The following SKAP1 variants were observed in gnomAD, a reference collection of about 807,000 sequenced individuals.
The protein encoded by SKAP1 is src kinase-associated phosphoprotein 1.
In SKAP1, 44 loss-of-function variants were observed where a neutral mutation model predicts 58.5. The observed-to-expected ratio is 0.75, with a 90% confidence interval of 0.59 to 0.97. SKAP1 has a LOEUF of 0.97. Ranked by LOEUF, SKAP1 falls within the 50% of genes least tolerant of loss-of-function variation. The pLI is 0.00. For synonymous variants in SKAP1, 127 were observed against 149.7 expected, an observed-to-expected ratio of 0.85 and a Z score of 1.11; for missense variants, 390 against 435.2, an observed-to-expected ratio of 0.90 and a Z score of 0.92.
chr17:48,204,894 A>G (rs1308053077), intron 4 of SKAP1, among the ~76,000 whole-genome samples: 1 of 152,032 alleles, frequency 6.6e-6, no homozygotes, highest in Non-Finnish European at 1.5e-5. Flanking sequence ...ATGATTTAAG[A>G]TGGTAGAAAT....
chr17:48,399,197 G>C (rs1028649828), intron 1 of SKAP1, among the ~76,000 whole-genome samples: 1 of 152,108 alleles, frequency 6.6e-6, no homozygotes, highest in African/African-American at 2.4e-5. Flanking sequence ...GGTTCCACTA[G>C]GGTCCTTTGA....
chr17:48,170,712 CTTTT>C, intron 9 of SKAP1, 53 bp from the exon 10 acceptor site: 45 of 1,103,126 alleles, frequency 4.1e-5, no homozygotes, highest in East Asian at 5.3e-5. Context: ...GTCTCATGTT[CTTTT>C]TTTTTTTTTT....
intron 2 of SKAP1, chr17:48,382,731 C>T (rs373079726): frequency 6.6e-6 from 1 of 152,358 alleles, no homozygotes; most frequent in African/African-American, 2.4e-5. Flanking sequence ...AAAACCACTT[C>T]ACTGAATGTC....
At chr17:48,329,442 C>T (rs1274293381) in intron 4 of SKAP1, among the ~76,000 whole-genome samples, 1 of 152,192 alleles carries the variant, frequency 6.6e-6, no homozygotes, top group Non-Finnish European at 1.5e-5. Context: ...CGGTGGCTCA[C>T]GCCTATAATC....
chr17:48,319,515 A>G lies in SKAP1; in HGVS notation c.280+26390T>C, dbSNP rs554364812. 2.6e-5 allele frequency among the ~76,000 whole-genome samples: 4 copies of G among 152,322 alleles called. No homozygotes were observed. In the East Asian group the frequency reaches 7.7e-4, roughly 29 times the overall value. Reference sequence around the variant, plus strand: ...GAAACAGCAGTAGATCATGGTAGTCAATGATGTTGCTCCATAGCTTGACTG... The same window carrying G: ...GAAACAGCAGTAGATCATGGTAGTCGATGATGTTGCTCCATAGCTTGACTG... On this transcript the variant is annotated intron_variant, in intron 4 of 12. Coordinates refer to ENST00000336915, the MANE Select transcript of SKAP1 (RefSeq NM_003726.4).
In SKAP1 at chr17:48,338,727, C is replaced by T. The variant is rs561163584; in HGVS notation, c.280+7178G>A. Among the ~76,000 whole-genome samples the T allele has an allele frequency of 5.9e-5, 9 of 152,170 alleles. No homozygotes were observed. In the South Asian group the frequency reaches 6.2e-4, roughly 11 times the overall value. ...AAAATGCTGGGTTGAAAATGAAAAA[C>T]GGGTCATTCATAGACAGATAATTGT... is the stretch of plus-strand genomic sequence containing the variant. On this transcript the variant is annotated intron_variant, in intron 4 of 12. Coordinates refer to ENST00000336915, the MANE Select transcript of SKAP1 (RefSeq NM_003726.4).
At chr17:48,149,726 G>A (rs1598366599) in intron 11 of SKAP1, among the ~76,000 whole-genome samples, 1 of 152,284 alleles carries the variant, frequency 6.6e-6, no homozygotes, top group East Asian at 1.9e-4. Flanking sequence ...GTGTGTGTCA[G>A]GGGCACGCAC....
At chr17:48,423,990 CA>C (rs890243819) in intron 1 of SKAP1, among the ~76,000 whole-genome samples, 21 of 149,218 alleles carry the variant, frequency 1.4e-4, no homozygotes, top group Non-Finnish European at 2.7e-4. Context: ...AACTTGAAGG[CA>C]AAAAAAAACT....
intron 1 of SKAP1, among the ~76,000 whole-genome samples, chr17:48,418,994 A>G (rs1235411994): frequency 6.6e-6 from 1 of 152,106 alleles, no homozygotes; most frequent in Admixed American, 6.5e-5. Context: ...AGGTGTCTAT[A>G]TATGCTTAAG....
At chr17:48,363,012 GT>G (rs1482549915) in intron 3 of SKAP1, among the ~76,000 whole-genome samples, 9 of 152,144 alleles carry the variant, frequency 5.9e-5, no homozygotes, top group Non-Finnish European at 1.3e-4. Context: ...TCAGGTTGAT[GT>G]TTCTGACATT....
intron 1 of SKAP1, among the ~76,000 whole-genome samples, chr17:48,400,655 T>C (rs2067488480): frequency 6.6e-6 from 1 of 151,692 alleles, no homozygotes; most frequent in Non-Finnish European, 1.5e-5. Context: ...GAGGCTAAGG[T>C]GGCCTCATTT....
chr17:48,417,280 G>A (rs1024051910), intron 1 of SKAP1, among the ~76,000 whole-genome samples: 4 of 152,144 alleles, frequency 2.6e-5, no homozygotes, highest in African/African-American at 9.6e-5. Context: ...TCTACCTCCT[G>A]TAGAGGAAAA....
At chr17:48,393,863 G>A (rs1194812482) in intron 2 of SKAP1, among the ~76,000 whole-genome samples, 2 of 149,196 alleles carry the variant, frequency 1.3e-5, no homozygotes, top group Non-Finnish European at 3.0e-5. Context: ...AATAAGACTT[G>A]AAGTGCTAAA....
chr17:48,188,842 T>C (rs1326750346), intron 5 of SKAP1, among the ~76,000 whole-genome samples: 1 of 151,908 alleles, frequency 6.6e-6, no homozygotes, highest in Non-Finnish European at 1.5e-5. Context: ...CTGCTAAAAA[T>C]ATGAAAAATT....
At chr17:48,276,643 A>C (rs759226879) in intron 4 of SKAP1, among the ~76,000 whole-genome samples, 3 of 152,194 alleles carry the variant, frequency 2.0e-5, no homozygotes, top group Non-Finnish European at 4.4e-5. Context: ...TAATCATTTC[A>C]AATGAAACAG....
chr17:48,381,796 C>T (rs1032258786), intron 2 of SKAP1, among the ~76,000 whole-genome samples: 8 of 152,106 alleles, frequency 5.3e-5, no homozygotes, highest in Admixed American at 4.6e-4. Flanking sequence ...TTGGTTTATT[C>T]TGCTCAAAAA....
chr17:48,238,301 A>G (rs2065204565), intron 4 of SKAP1, among the ~76,000 whole-genome samples: 1 of 152,142 alleles, frequency 6.6e-6, no homozygotes, highest in Admixed American at 6.5e-5. Flanking sequence ...TCAGATGAAT[A>G]TGATTTTAAA....
At chr17:48,265,461 C>T (rs1325615179) in intron 4 of SKAP1, among the ~76,000 whole-genome samples, 1 of 150,756 alleles carries the variant, frequency 6.6e-6, no homozygotes, top group African/African-American at 2.4e-5. Context: ...GCTGAGACCG[C>T]ACCACTGCAC....
At chr17:48,355,719 T>C (rs2066867582) in intron 3 of SKAP1, among the ~76,000 whole-genome samples, 1 of 151,658 alleles carries the variant, frequency 6.6e-6, no homozygotes, top group Non-Finnish European at 1.5e-5. Context: ...CTCAACTACT[T>C]GGGTGGCTGA....
Sources: allele counts gnomAD v4.1 joint callset (sites outside exome capture counted in the v4.1 genomes callset), GRCh38; gene constraint gnomAD v4.1.1; transcripts MANE v1.5; gene names NCBI Gene and HGNC (gene_info 2026-07-23, HGNC 2026-07-21).